Variants in DCDC1 observed in about 807,000 individuals in gnomAD.
DCDC1 encodes doublecortin domain-containing protein 1.
DCDC1 carries 200 observed loss-of-function variants against 178.3 expected under a neutral mutation model. That is an observed-to-expected ratio of 1.12 (90% confidence interval 1.00 to 1.26). The LOEUF (loss-of-function observed/expected upper bound fraction) is 1.26. Among genes scored for constraint, DCDC1 ranks in the 50% most tolerant of loss-of-function variants. The probability of loss-of-function intolerance (pLI) is 0.00; values close to 1 mark genes in which losing one functional copy is unlikely to be tolerated. For synonymous variants in DCDC1, 690 were observed against 604.8 expected (o/e 1.14, Z -2.07); for missense variants, 1,983 against 1,749.2 (o/e 1.13, Z -2.38).
Position 31,022,323 on chromosome 11 carries a change from T to G in DCDC1, c.2591+42146A>C, listed in dbSNP as rs77143886. ...TTCAATCTCTGCCTCTATTGACAGATAGTATGTTCCCTTTGTGTGTATCTA... is the reference window on the plus strand; with the variant it reads ...TTCAATCTCTGCCTCTATTGACAGAGAGTATGTTCCCTTTGTGTGTATCTA... On this transcript the variant is annotated intron_variant, in intron 20 of 38. Transcript: ENST00000684477. Among the ~76,000 whole-genome samples the G allele has an allele frequency of 2.6e-5, 4 of 152,160 alleles. No homozygotes were observed. The East Asian group carries it at 5.8e-4, about 22-fold the overall frequency.
rs149850714 is a variant in DCDC1 at position 31,040,979 on chromosome 11, T to C, written c.2591+23490A>G. ...AAATAAGTTTTGCTCAAAGTATTTA[T>C]AGCATGCTCATCCAGAAGCATTATC... is the stretch of plus-strand genomic sequence containing the variant. On this transcript the variant is annotated intron_variant, in intron 20 of 38. Transcript: ENST00000684477. Among the ~76,000 whole-genome samples, 48 of 152,356 alleles carry C rather than the reference T, an allele frequency of 3.2e-4. No individual in the cohort carries two copies. In the East Asian group the frequency reaches 8.7e-3, roughly 28 times the overall value.
rs576790801 is a variant in DCDC1, at chr11:30,888,445, C to T, written c.5082+4373G>A. Among the ~76,000 whole-genome samples the T allele has an allele frequency of 1.7e-4, 26 of 152,270 alleles. No individual in the cohort carries two copies. In the South Asian group the frequency reaches 4.1e-3, roughly 24 times the overall value. On this transcript the variant is annotated intron_variant, in intron 36 of 38. Transcript: ENST00000684477. The stretch of plus-strand genomic sequence containing the variant: ...TTTAAAGACAGTCTTAGGCTGGGCA[C>T]GGTGGCTCACGCCTGTAATCCCAGC...
intron 20 of DCDC1, among the ~76,000 whole-genome samples, chr11:30,999,662 A>C (rs1951462039): frequency 2.6e-5 from 4 of 152,140 alleles, no homozygotes. Context: ...TCAGTTTTCT[A>C]ATCATCAAAA....
At chr11:31,282,733 T>C (rs1211722802) in intron 7 of DCDC1, among the ~76,000 whole-genome samples, 4 of 152,136 alleles carry the variant, frequency 2.6e-5, no homozygotes, top group Admixed American at 2.6e-4. Flanking sequence ...CTTTAATATT[T>C]CTTATAGTTT....
chr11:31,078,028 T>G (rs1201545043), intron 17 of DCDC1, 103 bp from the exon 18 acceptor site: 2 of 685,814 alleles, frequency 2.9e-6, no homozygotes, highest in Admixed American at 4.2e-5. Context: ...GCAGGAGGAC[T>G]GCCCACACTC....
intron 18 of DCDC1, 119 bp from the exon 19 acceptor site, chr11:31,065,272 A>C (rs1159998837): frequency 8.3e-6 from 4 of 482,606 alleles, no homozygotes; most frequent in Non-Finnish European, 1.1e-5. Flanking sequence ...TGGCTAATAA[A>C]CTTTGTACTT....
At chr11:31,130,487 C>T (rs1410964202) in intron 10 of DCDC1, among the ~76,000 whole-genome samples, 1 of 152,116 alleles carries the variant, frequency 6.6e-6, no homozygotes, top group Non-Finnish European at 1.5e-5. Flanking sequence ...AGAAACTGCT[C>T]CTTCAAGCCG....
At chr11:31,255,561 G>C (rs1186335637) in intron 8 of DCDC1, among the ~76,000 whole-genome samples, 1 of 152,062 alleles carries the variant, frequency 6.6e-6, no homozygotes, top group Non-Finnish European at 1.5e-5. Flanking sequence ...TTTTTGACTT[G>C]CATTTCCCTA....
chr11:30,992,227 G>A (rs1369630710), intron 20 of DCDC1, among the ~76,000 whole-genome samples: 1 of 152,156 alleles, frequency 6.6e-6, no homozygotes, highest in Non-Finnish European at 1.5e-5. Context: ...TAACAGAAAT[G>A]TATCAACATG....
chr11:31,198,617 C>T (rs973136598), intron 9 of DCDC1, among the ~76,000 whole-genome samples: 3 of 151,990 alleles, frequency 2.0e-5, no homozygotes, highest in African/African-American at 4.8e-5. Context: ...TACAGTCATG[C>T]CCTTGGCCTC....
chr11:31,003,908 A>C (rs1951703219), intron 20 of DCDC1, among the ~76,000 whole-genome samples: 1 of 152,216 alleles, frequency 6.6e-6, no homozygotes. Flanking sequence ...GGTGAATCCA[A>C]CAGTGTCCTA....
chr11:30,938,232 TATC>T (rs1947402858), intron 21 of DCDC1, among the ~76,000 whole-genome samples: 1 of 152,132 alleles, frequency 6.6e-6, no homozygotes. Flanking sequence ...TCTCTCTCTC[TATC>T]ATCTCCTGTT....
At chr11:31,303,148 T>G (rs1033813074) in intron 6 of DCDC1, among the ~76,000 whole-genome samples, 80 of 152,296 alleles carry the variant, frequency 5.3e-4, no homozygotes, top group Non-Finnish European at 1.8e-4. Flanking sequence ...AAATTAGAGA[T>G]GAAAGAATAA....
chr11:30,935,711 G>A (rs551412322), intron 21 of DCDC1, among the ~76,000 whole-genome samples: 3 of 152,118 alleles, frequency 2.0e-5, no homozygotes, highest in East Asian at 1.9e-4. Context: ...GTGCTACCAC[G>A]CCCAGCTATG....
intron 38 of DCDC1, 80 bp downstream of exon 38, chr11:30,878,462 AAG>A (rs1373288455): frequency 6.3e-6 from 8 of 1,260,276 alleles, no homozygotes; most frequent in Non-Finnish European, 4.2e-6. Context: ...TCAGAAAAGA[AAG>A]AGGGGGGAAC....
intron 35 of DCDC1, among the ~76,000 whole-genome samples, chr11:30,894,003 C>G (rs1361410814): frequency 6.6e-6 from 1 of 152,174 alleles, no homozygotes; most frequent in Non-Finnish European, 1.5e-5. Flanking sequence ...GGGCCTTTTT[C>G]TCTTCTTTGC....
chr11:31,279,252 G>T (rs893345599), intron 7 of DCDC1, among the ~76,000 whole-genome samples: 14 of 152,000 alleles, frequency 9.2e-5, no homozygotes, highest in African/African-American at 3.4e-4. Flanking sequence ...TTTTTTGTGT[G>T]TGTGTGTGTG....
In DCDC1 at chr11:30,931,904, T is replaced by A. The variant is rs367846355; in HGVS notation, c.2764A>T (p.Met922Leu). 1 of 1,613,042 alleles carries A rather than the reference T, an allele frequency of 6.2e-7. No homozygotes were observed. The highest frequency in any genetic ancestry group is 8.5e-7 in the Non-Finnish European group (1 of 1,179,328). ...GTTGTCTTACAGATGGGTTTCTTCA[T>A]GGGAGGACTGCTCGGAACAAGCAGT... ...QGLLVPSSPPMKKPICKTTEP... is the reference protein window; with the variant it reads ...QGLLVPSSPPLKKPICKTTEP... The change falls in exon 22 of 39, where the codon ATG (methionine) becomes TTG (leucine). Residue 922 changes from methionine to leucine, a missense_variant. Transcript: ENST00000684477.
At chr11:31,204,235 A>C (rs1311177301) in intron 9 of DCDC1, among the ~76,000 whole-genome samples, 2 of 152,204 alleles carry the variant, frequency 1.3e-5, no homozygotes, top group African/African-American at 4.8e-5. Context: ...CTTAGAGGGA[A>C]GTGAATAGCT....
Sources: allele counts gnomAD v4.1 joint callset (sites outside exome capture counted in the v4.1 genomes callset), GRCh38; gene constraint gnomAD v4.1.1; transcripts MANE v1.5; gene names NCBI Gene and HGNC (gene_info 2026-07-23, HGNC 2026-07-21).